LMNTD1: variants seen among roughly 807,000 people sequenced by gnomAD.
The protein encoded by LMNTD1 is lamin tail domain-containing protein 1.
A neutral mutation model predicts 50.9 loss-of-function variants in LMNTD1; 35 were observed. The ratio of observed to expected loss-of-function variants is 0.69; its 90% CI spans 0.53 to 0.91. The LOEUF is 0.91. Ranked by LOEUF, LMNTD1 falls within the 40% of genes least tolerant of loss-of-function variation. The probability of loss-of-function intolerance (pLI) is 0.00; values close to 1 mark genes in which losing one functional copy is unlikely to be tolerated. For missense variants in LMNTD1, 470 were observed against 475.5 expected (o/e 0.99, Z 0.11); for synonymous variants, 153 against 161.9 (o/e 0.94, Z 0.42).
intron 9 of LMNTD1, among the ~76,000 whole-genome samples, chr12:25,481,630 G>A (rs910483872): frequency 1.3e-5 from 2 of 151,648 alleles, no homozygotes; most frequent in African/African-American, 4.9e-5. Flanking sequence ...ACAATAAAAT[G>A]GTGATTTGAA....
At chr12:25,635,156 C>G (rs937738541) in intron 1 of LMNTD1, among the ~76,000 whole-genome samples, 2 of 148,900 alleles carry the variant, frequency 1.3e-5, no homozygotes, top group Non-Finnish European at 3.0e-5. Context: ...GGGAGAATCG[C>G]TTAAACCCAG....
chr12:25,501,950 A>T (rs2135940730), intron 9 of LMNTD1, among the ~76,000 whole-genome samples: 1 of 152,306 alleles, frequency 6.6e-6, no homozygotes, highest in East Asian at 1.9e-4. Context: ...AACTCTGAAG[A>T]TACCACCAGA....
At chr12:25,633,680 A>G (rs1946765620) in intron 1 of LMNTD1, among the ~76,000 whole-genome samples, 1 of 152,170 alleles carries the variant, frequency 6.6e-6, no homozygotes, top group South Asian at 2.1e-4. Context: ...AAAGGCAGTG[A>G]TAAGAGGAAA....
At chr12:25,486,323 A>G (rs1276480287) in intron 9 of LMNTD1, among the ~76,000 whole-genome samples, 1 of 151,332 alleles carries the variant, frequency 6.6e-6, no homozygotes, top group East Asian at 1.9e-4. Flanking sequence ...TTGTTGGTGT[A>G]TAAGAATGCT....
chr12:25,622,377 C>A (rs1457947853), intron 1 of LMNTD1, among the ~76,000 whole-genome samples: 2 of 151,456 alleles, frequency 1.3e-5, no homozygotes, highest in Non-Finnish European at 2.9e-5. Flanking sequence ...AGCCTGTGAA[C>A]TGCAGAGTTC....
chr12:25,576,258 A>G (rs910714556), intron 1 of LMNTD1, among the ~76,000 whole-genome samples: 1 of 152,206 alleles, frequency 6.6e-6, no homozygotes, highest in African/African-American at 2.4e-5. Context: ...TCCTTGAGGA[A>G]TCACCACACT....
At chr12:25,478,945 T>C (rs1938357439) in intron 9 of LMNTD1, among the ~76,000 whole-genome samples, 1 of 152,136 alleles carries the variant, frequency 6.6e-6, no homozygotes, top group African/African-American at 2.4e-5. Context: ...TTTGTAGTCC[T>C]ACCTGGATTG....
chr12:25,638,374 A>T (rs1946881356), intron 1 of LMNTD1, among the ~76,000 whole-genome samples: 1 of 152,226 alleles, frequency 6.6e-6, no homozygotes, highest in East Asian at 1.9e-4. Flanking sequence ...AATAACATCC[A>T]TATTGAAAAG....
intron 3 of LMNTD1, chr12:25,547,334 T>G (rs768994763): frequency 1.5e-5 from 3 of 196,392 alleles, no homozygotes; most frequent in Non-Finnish European, 2.7e-5. Flanking sequence ...GATGTAAGTT[T>G]TCCAAGTTTC....
At chr12:25,539,581 A>G (rs1942891411) in intron 4 of LMNTD1, among the ~76,000 whole-genome samples, 1 of 151,938 alleles carries the variant, frequency 6.6e-6, no homozygotes, top group Non-Finnish European at 1.5e-5. Context: ...AGCAGTGTGT[A>G]GAGGGAAATT....
intron 9 of LMNTD1, among the ~76,000 whole-genome samples, chr12:25,489,700 T>A (rs1440670904): frequency 6.6e-6 from 1 of 152,156 alleles, no homozygotes; most frequent in Non-Finnish European, 1.5e-5. Flanking sequence ...GAAACTCGCT[T>A]GTAATGAAAT....
intron 1 of LMNTD1, among the ~76,000 whole-genome samples, chr12:25,637,577 A>G (rs1301358772): frequency 6.6e-6 from 1 of 152,122 alleles, no homozygotes; most frequent in Non-Finnish European, 1.5e-5. Flanking sequence ...AACAAAGAGA[A>G]AAAAAATGAA....
intron 3 of LMNTD1, chr12:25,547,225 A>G: frequency 1.0e-6 from 1 of 960,046 alleles, no homozygotes; most frequent in Non-Finnish European, 1.2e-6. Flanking sequence ...GGGGAGTTAC[A>G]TTACAAAGAC....
chr12:25,561,467 A>G (rs945360838), intron 1 of LMNTD1, among the ~76,000 whole-genome samples: 1 of 152,194 alleles, frequency 6.6e-6, no homozygotes, highest in Non-Finnish European at 1.5e-5. Flanking sequence ...TGAGTTTCTT[A>G]ATCCTGAGTC....
intron 1 of LMNTD1, among the ~76,000 whole-genome samples, chr12:25,559,353 C>T (rs186122786): frequency 9.9e-5 from 15 of 152,228 alleles, no homozygotes; most frequent in Admixed American, 2.6e-4. Flanking sequence ...GCTTCATCCA[C>T]GTCCCTTCAA....
chr12:25,525,749 T>C (rs1478937334), intron 6 of LMNTD1, among the ~76,000 whole-genome samples: 1 of 152,020 alleles, frequency 6.6e-6, no homozygotes, highest in African/African-American at 2.4e-5. Flanking sequence ...CTATCCATTC[T>C]ATGAAAAAGT....
At chr12:25,489,460 G>A (rs1378100562) in intron 9 of LMNTD1, among the ~76,000 whole-genome samples, 3 of 149,384 alleles carry the variant, frequency 2.0e-5, no homozygotes, top group African/African-American at 7.4e-5. Flanking sequence ...CTTCCCAGGT[G>A]AGGCAATGCC....
intron 4 of LMNTD1, among the ~76,000 whole-genome samples, chr12:25,528,803 C>T (rs140934294): frequency 6.6e-6 from 1 of 152,254 alleles, no homozygotes; most frequent in East Asian, 1.9e-4. Flanking sequence ...CCCTCATTGT[C>T]CTTCCTTTCT....
intron 9 of LMNTD1, among the ~76,000 whole-genome samples, chr12:25,501,289 C>A (rs1939375069): frequency 1.3e-5 from 2 of 152,170 alleles, no homozygotes. Context: ...CTGTGCCCAG[C>A]CATGAGATCG....
Sources: allele counts gnomAD v4.1 joint callset (sites outside exome capture counted in the v4.1 genomes callset), GRCh38; gene constraint gnomAD v4.1.1; transcripts MANE v1.5; gene names NCBI Gene and HGNC (gene_info 2026-07-23, HGNC 2026-07-21).